The following ROBO1 variants were observed in gnomAD, a reference collection of about 807,000 sequenced individuals.
The protein encoded by ROBO1 is roundabout guidance receptor 1.
ROBO1 carries 149 observed loss-of-function variants against 195.9 expected under a neutral mutation model. That is an observed-to-expected ratio of 0.76 (90% CI 0.67 to 0.87). The LOEUF is 0.87. Among genes scored for constraint, ROBO1 ranks in the 40% least tolerant of loss-of-function variants. The probability of loss-of-function intolerance (pLI) is 0.00; values close to 1 mark genes in which losing one functional copy is unlikely to be tolerated. For synonymous variants in ROBO1, 816 were observed against 733.2 expected (o/e 1.11, Z -1.82); for missense variants, 1,933 against 2,068.3 (o/e 0.93, Z 1.27).
chr3:79,020,622 G>A (rs541242018), intron 3 of ROBO1, among the ~76,000 whole-genome samples: 1 of 152,324 alleles, frequency 6.6e-6, no homozygotes, highest in Non-Finnish European at 1.5e-5. Context: ...AGCCCAGGAG[G>A]CGGAGGTTGC....
intron 2 of ROBO1, among the ~76,000 whole-genome samples, chr3:79,299,257 T>G (rs1422865222): frequency 6.6e-6 from 1 of 152,166 alleles, no homozygotes; most frequent in Non-Finnish European, 1.5e-5. Flanking sequence ...GAAAAGAGCA[T>G]GAGCTTTGGG....
intron 3 of ROBO1, among the ~76,000 whole-genome samples, chr3:78,999,369 A>G (rs2077443613): frequency 6.6e-6 from 1 of 152,160 alleles, no homozygotes; most frequent in Non-Finnish European, 1.5e-5. Context: ...GCCATAAAGA[A>G]GCATGAAATC....
At chr3:79,642,153 T>C (rs1945683621) in intron 1 of ROBO1, among the ~76,000 whole-genome samples, 1 of 152,126 alleles carries the variant, frequency 6.6e-6, no homozygotes, top group African/African-American at 2.4e-5. Flanking sequence ...CTTTAGAGGC[T>C]TACAACAGCA....
At chr3:79,700,582 A>T (rs1361898292) in intron 1 of ROBO1, among the ~76,000 whole-genome samples, 1 of 151,732 alleles carries the variant, frequency 6.6e-6, no homozygotes, top group Non-Finnish European at 1.5e-5. Flanking sequence ...GACTGGTGTG[A>T]GATGGTGCCT....
chr3:79,196,658 G>A (rs1203404296), intron 2 of ROBO1, among the ~76,000 whole-genome samples: 1 of 151,704 alleles, frequency 6.6e-6, no homozygotes, highest in African/African-American at 2.4e-5. Flanking sequence ...GAGCCTCATA[G>A]GAGAAGAGTT....
chr3:79,489,897 G>T (rs1471470395), intron 2 of ROBO1, among the ~76,000 whole-genome samples: 1 of 152,004 alleles, frequency 6.6e-6, no homozygotes, highest in Non-Finnish European at 1.5e-5. Context: ...TACATATGAA[G>T]ATTTCATATA....
At chr3:79,372,787 A>C (rs573411426) in intron 2 of ROBO1, among the ~76,000 whole-genome samples, 1 of 152,284 alleles carries the variant, frequency 6.6e-6, no homozygotes, top group East Asian at 1.9e-4. Flanking sequence ...GAGTATATTA[A>C]TGTGTTAGCT....
At chr3:79,159,400 A>G (rs1163404676) in intron 2 of ROBO1, among the ~76,000 whole-genome samples, 1 of 151,998 alleles carries the variant, frequency 6.6e-6, no homozygotes, top group African/African-American at 2.4e-5. Context: ...TGTGTATCCA[A>G]ATCTTCATTA....
rs142865738 is a variant in ROBO1, at chr3:79,712,861, C to T, written c.-51+54891G>A. 4.7e-3 allele frequency among the ~76,000 whole-genome samples: 718 copies of T among 152,092 alleles called. 8 individuals carry two copies. Among genetic ancestry groups the T allele is most frequent in the African/African-American group, 0.017 (689 of 41,522 alleles). ...TAAGAATGATGCTAAATCTATTCCC[C>T]CTGAGCTCTATAAATGAAAAAACAA... is the stretch of plus-strand genomic sequence containing the variant. On this transcript the variant is annotated intron_variant, in intron 1 of 30. Coordinates refer to ENST00000464233, the MANE Select transcript of ROBO1 (RefSeq NM_002941.4).
intron 1 of ROBO1, among the ~76,000 whole-genome samples, chr3:79,723,711 A>G (rs543653578): frequency 1.2e-4 from 19 of 152,312 alleles, no homozygotes; most frequent in Non-Finnish European, 1.8e-4. Flanking sequence ...AATTATTTCA[A>G]TTTAATCACA....
chr3:79,508,561 T>C (rs1940534595), intron 2 of ROBO1, among the ~76,000 whole-genome samples: 1 of 152,228 alleles, frequency 6.6e-6, no homozygotes, highest in Non-Finnish European at 1.5e-5. Context: ...TAACACTTTT[T>C]TATTGCTTAA....
chr3:79,282,726 C>A (rs2031605392), intron 2 of ROBO1, among the ~76,000 whole-genome samples: 1 of 152,070 alleles, frequency 6.6e-6, no homozygotes, highest in East Asian at 1.9e-4. Context: ...GAGGATATGG[C>A]TGGCAGGAAA....
intron 3 of ROBO1, among the ~76,000 whole-genome samples, chr3:79,045,937 C>G (rs570769953): frequency 2.0e-5 from 3 of 152,146 alleles, no homozygotes; most frequent in African/African-American, 4.8e-5. Flanking sequence ...TCACTAAACT[C>G]TAACTTAAAG....
chr3:79,475,129 G>A (rs1319934639), intron 2 of ROBO1, among the ~76,000 whole-genome samples: 4 of 151,414 alleles, frequency 2.6e-5, no homozygotes, highest in Non-Finnish European at 5.9e-5. Context: ...TAGTATTAAA[G>A]TAACTCAATT....
chr3:78,931,498 G>C (rs539999528), intron 4 of ROBO1, among the ~76,000 whole-genome samples: 1 of 151,642 alleles, frequency 6.6e-6, no homozygotes, highest in South Asian at 2.1e-4. Flanking sequence ...TGCCCACCTC[G>C]GCCTCCCAAA....
intron 4 of ROBO1, among the ~76,000 whole-genome samples, chr3:78,898,260 T>C (rs935321203): frequency 1.7e-4 from 25 of 150,600 alleles, no homozygotes; most frequent in Non-Finnish European, 1.5e-5. Flanking sequence ...TTTAGAGATG[T>C]GTTTTTGTTA....
intron 1 of ROBO1, among the ~76,000 whole-genome samples, chr3:79,648,860 AT>A (rs1210024068): frequency 6.6e-6 from 1 of 152,106 alleles, no homozygotes; most frequent in Non-Finnish European, 1.5e-5. Flanking sequence ...ACATAGAATA[AT>A]TAGTCCAACT....
intron 4 of ROBO1, among the ~76,000 whole-genome samples, chr3:78,865,566 G>T (rs904179148): frequency 2.0e-5 from 3 of 150,706 alleles, no homozygotes; most frequent in Admixed American, 2.0e-4. Context: ...CCGCCTCCCA[G>T]GTTCAAGCGA....
At chr3:79,541,909 T>A (rs1304607664) in intron 2 of ROBO1, among the ~76,000 whole-genome samples, 1 of 151,154 alleles carries the variant, frequency 6.6e-6, no homozygotes, top group South Asian at 2.1e-4. Context: ...TACATTTGCA[T>A]CATGTAAGAT....
Sources: gnomAD v4.1 joint callset for allele counts (sites outside exome capture counted in the v4.1 genomes callset) on GRCh38, gnomAD v4.1.1 for gene constraint, MANE v1.5 for transcripts, NCBI Gene and HGNC (gene_info 2026-07-23, HGNC 2026-07-21) for gene names.